The following NOTCH2 variants were observed in gnomAD, a reference collection of about 807,000 sequenced individuals.
The protein encoded by NOTCH2 is notch receptor 2, also known as neurogenic locus notch homolog protein 2.
In NOTCH2, 29 loss-of-function variants were observed where a neutral mutation model predicts 235.8. That is an observed-to-expected ratio of 0.12 (90% CI 0.09 to 0.17). The LOEUF (loss-of-function observed/expected upper bound fraction) is 0.17. Among genes scored for constraint, NOTCH2 ranks in the 10% least tolerant of loss-of-function variants. NOTCH2 has a pLI of 1.00. For synonymous variants in NOTCH2, 1,086 were observed against 1,141.5 expected, an observed-to-expected ratio of 0.95 and a Z score of 0.98; for missense variants, 2,285 against 3,150.2, an observed-to-expected ratio of 0.73 and a Z score of 6.57.
chr1:120,031,394 CT>C (rs1156718904), intron 1 of NOTCH2, among the ~76,000 whole-genome samples: 1 of 132,974 alleles, frequency 7.5e-6, no homozygotes, highest in African/African-American at 2.9e-5. Flanking sequence ...ATCCTAAGTA[CT>C]TTACATAAAT....
chr1:119,973,492 G>A (rs782357290), intron 5 of NOTCH2, among the ~76,000 whole-genome samples: 1 of 152,218 alleles, frequency 6.6e-6, no homozygotes, highest in South Asian at 2.1e-4. Context: ...CACGGTTGGT[G>A]AGTGAGAGTG....
Position 119,959,429 on chromosome 1 carries a change from A to G in NOTCH2, c.1989T>C (p.Ile663=). 6.2e-7 allele frequency: 1 copy of G among 1,611,254 alleles called. No individual in the cohort carries two copies. The highest frequency in any genetic ancestry group is 8.5e-7 in the Non-Finnish European group (1 of 1,177,382). Residue 663 remains isoleucine (I), a synonymous_variant, in exon 12 of 34, where the codon ATT becomes ATC. Transcript: ENST00000256646. ...PCIHGICMDG[I]NRYSCVCSPG... ...GTGAGCAGACACAACTGTAGCGATT[A>G]ATGCCATCCATACAGATTCCATGGA... is the stretch of plus-strand genomic sequence containing the variant.
chr1:119,943,509 T>C (rs782059268), intron 17 of NOTCH2, among the ~76,000 whole-genome samples: 21 of 152,174 alleles, frequency 1.4e-4, no homozygotes, highest in Non-Finnish European at 2.2e-4. Flanking sequence ...CTAAAGACTA[T>C]TTTGGAACCA....
intron 2 of NOTCH2, among the ~76,000 whole-genome samples, chr1:120,008,807 C>T (rs1302058189): frequency 9.9e-5 from 15 of 152,170 alleles, no homozygotes; most frequent in Admixed American, 7.9e-4. Context: ...ATGTGCCAGG[C>T]ATTTTTCCAG....
At chr1:119,928,146 G>A (rs1259729408) in intron 23 of NOTCH2, among the ~76,000 whole-genome samples, 1 of 152,164 alleles carries the variant, frequency 6.6e-6, no homozygotes, top group Non-Finnish European at 1.5e-5. Flanking sequence ...TCACCATGCT[G>A]CCCTCTCCAG....
intron 9 of NOTCH2, among the ~76,000 whole-genome samples, chr1:119,965,860 A>G (rs1553199597): frequency 6.6e-6 from 1 of 152,226 alleles, no homozygotes; most frequent in East Asian, 1.9e-4. Flanking sequence ...TTCAGAGGCA[A>G]CAGAAACCTT....
chr1:119,996,161 GCCT>G (rs1304191678), intron 4 of NOTCH2: 2 of 158,048 alleles, frequency 1.3e-5, no homozygotes, highest in Admixed American at 6.0e-5. Flanking sequence ...TTGGTTTTCA[GCCT>G]CCTCATCATT....
rs587714443 is a variant in NOTCH2, at chr1:120,065,491, A to C, written c.73+3843T>G. Among the ~76,000 whole-genome samples, 8 of 152,340 alleles carry C rather than the reference A, an allele frequency of 5.3e-5. No individual in the cohort carries two copies. The East Asian group carries it at 1.5e-3, about 29-fold the overall frequency. ...TAAGCGCATTTGTACACGAGATGGA[A>C]GCAATGAGGACAGTGAATGAGGCAC... is the stretch of plus-strand genomic sequence containing the variant. On this transcript the variant is annotated intron_variant, in intron 1 of 33. Coordinates refer to ENST00000256646, the MANE Select transcript of NOTCH2 (RefSeq NM_024408.4).
At chr1:119,945,216 G>A (rs192449691) in intron 17 of NOTCH2, among the ~76,000 whole-genome samples, 1 of 152,034 alleles carries the variant, frequency 6.6e-6, no homozygotes, top group East Asian at 1.9e-4. Flanking sequence ...TAACCAATAT[G>A]GTAGTGAATA....
Position 119,955,231 on chromosome 1 carries a change from C to A in NOTCH2, c.2028G>T (p.Gly676=), listed in dbSNP as rs1553198268. The change falls in exon 13 of 34, where the codon GGG becomes GGT. Residue 676 remains glycine (G), a splice_region_variant and synonymous_variant. Coordinates refer to ENST00000256646, the MANE Select transcript of NOTCH2 (RefSeq NM_024408.4). ...CATCAATGTCAATGTTACATCTCTG[C>A]CCTGTGGAGAAGGGGGACAGTGTTA... ...YSCVCSPGFT[G]QRCNIDIDEC... 3.7e-6 allele frequency: 6 copies of A among 1,614,016 alleles called. No individual in the cohort carries two copies. In the South Asian group the frequency reaches 6.6e-5, roughly 18 times the overall value.
At chr1:120,069,103 G>A in intron 1 of NOTCH2, 3 of 1,513,834 alleles carry the variant, frequency 2.0e-6, no homozygotes, top group Non-Finnish European at 2.6e-6. Context: ...AGGCGTGTAA[G>A]GGGTCCCGGG....
chr1:119,957,787 T>C (rs1260165519), intron 12 of NOTCH2, among the ~76,000 whole-genome samples: 1 of 150,334 alleles, frequency 6.7e-6, no homozygotes, highest in African/African-American at 2.5e-5. Flanking sequence ...ATATGATTCA[T>C]TGGCATTCTG....
chr1:119,928,477 C>G (rs1387896417), intron 23 of NOTCH2, among the ~76,000 whole-genome samples: 1 of 152,142 alleles, frequency 6.6e-6, no homozygotes, highest in Non-Finnish European at 1.5e-5. Context: ...TCAAAGGAGG[C>G]AGGGTGAAGA....
intron 22 of NOTCH2, among the ~76,000 whole-genome samples, chr1:119,930,808 A>G (rs1649627271): frequency 1.4e-5 from 2 of 147,510 alleles, no homozygotes; most frequent in African/African-American, 5.0e-5. Flanking sequence ...AATTAAAAAA[A>G]AAGGTACAGG....
chr1:120,040,989 C>T lies in NOTCH2; in HGVS notation c.74-11002G>A, dbSNP rs1395241404. ...CCGGGAGGCGGAGCTTGCAATGAGC[C>T]GAGATTGTGCCACTGCACTCCAGCC... On this transcript the variant is annotated intron_variant, in intron 1 of 33. Transcript: ENST00000256646. 6.2e-5 allele frequency among the ~76,000 whole-genome samples: 8 copies of T among 128,950 alleles called. No individual in the cohort carries two copies. In the East Asian group the frequency reaches 7.0e-4, roughly 11 times the overall value. 84.6% of individuals were successfully genotyped at this position (128,950 alleles called of 152,430 possible).
At position 119,920,279 on chromosome 1, in the gene NOTCH2, G is replaced by T. The variant is rs779369076; in HGVS notation, c.5429C>A (p.Pro1810His). 1 of 1,614,194 alleles carries T rather than the reference G, an allele frequency of 6.2e-7. No individual in the cohort carries two copies. Among genetic ancestry groups the T allele is most frequent in the Non-Finnish European group, 8.5e-7 (1 of 1,180,034 alleles). Residue 1810 changes from proline (P) to histidine (H), a missense_variant, in exon 30 of 34, where the codon CCT (proline) becomes CAT (histidine). Around this residue, in one of 6 missense-constraint regions of NOTCH2, gnomAD observed 1,173 missense variants for 1,515.3 expected, o/e 0.77. Coordinates refer to ENST00000256646, the MANE Select transcript of NOTCH2 (RefSeq NM_024408.4). ...CACATCCACCTCCTGCTCTGCCTGA[G>T]GAGGGGTGAGAGCCAGCGATGGTGT... ...RRTPSLALTP[P>H]QAEQEVDVLD... is the part of the protein sequence containing the mutation.
intron 3 of NOTCH2, among the ~76,000 whole-genome samples, chr1:119,999,917 G>GAGAA (rs71260137): frequency 0.014 from 1,245 of 91,102 alleles, 37 homozygotes; most frequent in Non-Finnish European, 0.02. Context: ...GAGAAAGAGA[G>GAGAA]AGAAAGAAAG....
intron 17 of NOTCH2, among the ~76,000 whole-genome samples, chr1:119,947,617 CAT>C (rs1466565724): frequency 1.3e-5 from 2 of 152,230 alleles, no homozygotes; most frequent in East Asian, 1.9e-4. Flanking sequence ...AAAAGTGAAA[CAT>C]ACACTTACGA....
Position 119,925,562 on chromosome 1 carries a change from G to A in NOTCH2, c.4254C>T (p.Pro1418=). The A allele has an allele frequency of 6.2e-7, 1 of 1,614,082 alleles. No homozygotes were observed. The highest frequency in any genetic ancestry group is 8.5e-7 in the Non-Finnish European group (1 of 1,180,020). ...TCAGACAGGTGGCAGGAGGGGTGCTGGGGGGTGCCGTGTAGAGTTCACAGC... is the reference window on the plus strand; with the variant it reads ...TCAGACAGGTGGCAGGAGGGGTGCTAGGGGGTGCCGTGTAGAGTTCACAGC... ...GSRCELYTAP[P]STPPATCLSQ... The change falls in exon 25 of 34, where the codon CCC becomes CCT. Residue 1418 remains proline (P), a synonymous_variant. Transcript: ENST00000256646.
Sources: allele counts gnomAD v4.1 joint callset (sites outside exome capture counted in the v4.1 genomes callset), GRCh38; gene constraint gnomAD v4.1.1; regional missense constraint gnomAD v4.1.1; transcripts MANE v1.5; gene names NCBI Gene and HGNC (gene_info 2026-07-23, HGNC 2026-07-21).